TET1: variants seen among roughly 807,000 people sequenced by gnomAD.
TET1 encodes the protein tet methylcytosine dioxygenase 1, also known as methylcytosine dioxygenase TET1.
Under a neutral mutation model 148.7 loss-of-function variants are expected in TET1, and 13 were observed. The observed-to-expected ratio is 0.09, with a 90% CI of 0.06 to 0.14. The LOEUF is 0.14. TET1 is among the 10% of genes least tolerant of loss of function. The probability of loss-of-function intolerance (pLI) is 1.00; values close to 1 mark genes in which losing one functional copy is unlikely to be tolerated. For missense variants in TET1, 2,182 were observed against 2,553.8 expected (o/e 0.85, Z 3.14); for synonymous variants, 907 against 937.2 (o/e 0.97, Z 0.59).
chr10:68,611,551 CT>C (rs2054210382), intron 3 of TET1, among the ~76,000 whole-genome samples: 1 of 151,840 alleles, frequency 6.6e-6, no homozygotes, highest in South Asian at 2.1e-4. Context: ...ACTCAGGAGG[CT>C]AGGGTGAGAG....
In TET1 at chr10:68,693,311, C is replaced by T. The variant is rs562385092; in HGVS notation, c.*1497C>T. Reference sequence around the variant, plus strand: ...CTGTTAAAATGCAGAGGTGCTATAACATTCAAAGTGTCAGATTCCTTGGGA... The same window carrying T: ...CTGTTAAAATGCAGAGGTGCTATAATATTCAAAGTGTCAGATTCCTTGGGA... On this transcript the variant is annotated 3_prime_UTR_variant, in exon 12 of 12. Coordinates refer to ENST00000373644, the MANE Select transcript of TET1 (RefSeq NM_030625.3). The T allele has an allele frequency of 9.9e-5, 23 of 233,100 alleles. No individual in the cohort carries two copies. The South Asian group carries it at 4.0e-3, about 40-fold the overall frequency. 14.4% of individuals were successfully genotyped at this position (233,100 alleles called of 1,614,324 possible). A position where few individuals can be genotyped will look rare whatever the true frequency, so the allele number is the denominator to read the frequency against.
At chr10:68,570,261 C>A (rs190080969) in intron 1 of TET1, among the ~76,000 whole-genome samples, 4 of 151,988 alleles carry the variant, frequency 2.6e-5, no homozygotes, top group African/African-American at 9.7e-5. Flanking sequence ...CCTGCCACCA[C>A]GCCCGGCTAA....
chr10:68,657,467 C>G (rs369683629), intron 6 of TET1, among the ~76,000 whole-genome samples: 1 of 152,144 alleles, frequency 6.6e-6, no homozygotes, highest in African/African-American at 2.4e-5. Context: ...TAAGCCACCA[C>G]GCCCGGCCAA....
intron 8 of TET1, among the ~76,000 whole-genome samples, chr10:68,676,670 C>T (rs2055366837): frequency 6.6e-6 from 1 of 152,114 alleles, no homozygotes; most frequent in African/African-American, 2.4e-5. Context: ...CCTCCTCCGC[C>T]TCCCAAAGTG....
intron 3 of TET1, among the ~76,000 whole-genome samples, chr10:68,640,291 T>G (rs1589102976): frequency 1.6e-5 from 2 of 127,010 alleles, no homozygotes; most frequent in African/African-American, 3.0e-5. Context: ...TGAGAGGGAG[T>G]CTCACTCTGT....
Position 68,645,315 on chromosome 10 carries a change from A to G in TET1, c.2586A>G (p.Ile862Met), listed in dbSNP as rs555162188. ...EGDQPKTPENIPSKEPKDGSP... is the reference protein window; with the variant it reads ...EGDQPKTPENMPSKEPKDGSP... ...ATCAACCAAAAACTCCTGAGAATAT[A>G]CCAAGTAAAGAACCAAAAGATGGAT... The change falls in exon 4 of 12, where the codon ATA becomes ATG. Residue 862 changes from isoleucine to methionine, a missense_variant. Around this residue, in one of 11 missense-constraint regions of TET1, gnomAD observed 582 missense variants for 599.5 expected, o/e 0.97. Coordinates refer to ENST00000373644, the MANE Select transcript of TET1 (RefSeq NM_030625.3). 2.4e-5 allele frequency: 39 copies of G among 1,614,176 alleles called. No individual in the cohort carries two copies. The highest frequency in any genetic ancestry group is 3.3e-5 in the Non-Finnish European group (39 of 1,180,044).
rs544197228 is a variant in TET1 at position 68,664,182 on chromosome 10, C to T, written c.4462-2863C>T. 2.8e-4 allele frequency among the ~76,000 whole-genome samples: 43 copies of T among 152,106 alleles called. 1 individual carries two copies. In the South Asian group the frequency reaches 3.5e-3, roughly 12 times the overall value. ...TACTTTGCTAGGTGACAAATATTGTCGGACATATATTCATATGCTCATCAT... is the reference window on the plus strand; with the variant it reads ...TACTTTGCTAGGTGACAAATATTGTTGGACATATATTCATATGCTCATCAT... On this transcript the variant is annotated intron_variant, in intron 6 of 11. Transcript: ENST00000373644.
At chr10:68,654,151 C>T (rs530026897) in intron 6 of TET1, among the ~76,000 whole-genome samples, 14 of 142,476 alleles carry the variant, frequency 9.8e-5, no homozygotes, top group African/African-American at 1.8e-4. Flanking sequence ...GAATGCCTTT[C>T]GGGGGAGGGA....
intron 3 of TET1, among the ~76,000 whole-genome samples, chr10:68,620,995 T>C (rs970289397): frequency 6.6e-6 from 1 of 152,248 alleles, no homozygotes; most frequent in Non-Finnish European, 1.5e-5. Context: ...TGACTGTTTA[T>C]TATTGAATTA....
At chr10:68,649,720 A>G (rs1170852790) in intron 4 of TET1, among the ~76,000 whole-genome samples, 2 of 152,146 alleles carry the variant, frequency 1.3e-5, no homozygotes, top group Non-Finnish European at 2.9e-5. Context: ...GAGCTAGACT[A>G]CTTTTTCTAT....
Position 68,690,820 on chromosome 10 carries a change from A to C in TET1, c.5417A>C (p.Glu1806Ala), listed in dbSNP as rs754751969. ...TGTCCTTGTTTAGGGAGTAACACTG[A>C]GACCGTGCAACCTGAAGTAAAAAGT... ...SSLPTLGSNT[E>A]TVQPEVKSET... Residue 1806 changes from glutamate to alanine, a missense_variant, in exon 12 of 12, where the codon GAG (glutamate) becomes GCG (alanine). Glu to Ala is a moderately radical substitution (Grantham distance 107). Coordinates refer to ENST00000373644, the MANE Select transcript of TET1 (RefSeq NM_030625.3). 1.9e-6 allele frequency: 3 copies of C among 1,604,782 alleles called. No homozygotes were observed. In the South Asian group the frequency reaches 3.3e-5, roughly 18 times the overall value.
Position 68,644,772 on chromosome 10 carries a change from A to G in TET1, c.2043A>G (p.Glu681=), listed in dbSNP as rs776822089. 6.2e-7 allele frequency: 1 copy of G among 1,613,408 alleles called. No homozygotes were observed. The highest frequency in any genetic ancestry group is 1.1e-5 in the South Asian group (1 of 90,758). The change falls in exon 4 of 12, where the codon GAA becomes GAG. Residue 681 remains glutamate (E), a synonymous_variant. Coordinates refer to ENST00000373644, the MANE Select transcript of TET1 (RefSeq NM_030625.3). ...ACTACAGTAGATGTGGTCATGGGGA[A>G]GAACAAAAATTGGAATTGAACCCAC... is the stretch of plus-strand genomic sequence containing the variant. The part of the protein sequence containing the change: ...SMDYSRCGHG[E]EQKLELNPHT...
At chr10:68,615,213 G>C (rs563289847) in intron 3 of TET1, among the ~76,000 whole-genome samples, 23 of 152,094 alleles carry the variant, frequency 1.5e-4, no homozygotes, top group African/African-American at 5.3e-4. Context: ...TTACAGGCTT[G>C]AGCCACCGCT....
chr10:68,613,774 C>T (rs1013581549), intron 3 of TET1, among the ~76,000 whole-genome samples: 2 of 151,820 alleles, frequency 1.3e-5, no homozygotes, highest in Non-Finnish European at 2.9e-5. Context: ...CTGTCTCTAC[C>T]TAAAGTACAG....
Position 68,646,538 on chromosome 10 carries a change from C to T in TET1, c.3809C>T (p.Thr1270Met), listed in dbSNP as rs762257556. ...TCACTCAGCTTATTTCATCTTAAAA[C>T]GGAATCCAACGGGAAGGCATTCACT... is the stretch of plus-strand genomic sequence containing the variant. ...LDSLSLFHLK[T>M]ESNGKAFTDK... The change falls in exon 4 of 12, where the codon ACG becomes ATG. Residue 1270 changes from threonine (T) to methionine (M), a missense_variant. Thr to Met is a moderately conservative substitution (Grantham distance 81). This residue lies in a region of TET1 where 582 missense variants were observed against 599.5 expected (regional missense o/e 0.97). Transcript: ENST00000373644. The T allele has an allele frequency of 9.9e-6, 16 of 1,614,000 alleles. No homozygotes were observed. In the African/African-American group the frequency reaches 1.1e-4, roughly 11 times the overall value.
intron 2 of TET1, among the ~76,000 whole-genome samples, chr10:68,594,044 G>GC (rs1353726154): frequency 7.0e-6 from 1 of 142,900 alleles, no homozygotes; most frequent in Non-Finnish European, 1.5e-5. Flanking sequence ...TCCTGCCTCA[G>GC]CCTCCTGACT....
At chr10:68,686,750 G>GAT in intron 11 of TET1, 43 bp downstream of exon 11, 1 of 1,532,142 alleles carries the variant, frequency 6.5e-7, no homozygotes. Flanking sequence ...AACTTTGATG[G>GAT]ATAGATGTGT....
At chr10:68,639,457 C>CTATTATTATTATTATTAT (rs1420408017) in intron 3 of TET1, among the ~76,000 whole-genome samples, 3 of 143,130 alleles carry the variant, frequency 2.1e-5, no homozygotes, top group Admixed American at 7.3e-5. Flanking sequence ...ACTACTACTA[C>CTATTATTATTATTATTAT]TACTACTACT....
chr10:68,579,889 T>C (rs531804802), intron 2 of TET1, among the ~76,000 whole-genome samples: 1 of 151,802 alleles, frequency 6.6e-6, no homozygotes, highest in South Asian at 2.1e-4. Flanking sequence ...TCTTCCTTTC[T>C]CTCTCTTCTT....
Sources: allele counts gnomAD v4.1 joint callset (sites outside exome capture counted in the v4.1 genomes callset), GRCh38; gene constraint gnomAD v4.1.1; regional missense constraint gnomAD v4.1.1; transcripts MANE v1.5; gene names NCBI Gene and HGNC (gene_info 2026-07-23, HGNC 2026-07-21).